Variants in SNAP25 observed in about 807,000 individuals in gnomAD.
SNAP25 encodes synaptosomal-associated protein 25.
Under a neutral mutation model 28.7 loss-of-function variants are expected in SNAP25, and 3 were observed. That is an observed-to-expected ratio of 0.10 (90% CI 0.05 to 0.27). The LOEUF (loss-of-function observed/expected upper bound fraction) is 0.27, where lower values mean the gene tolerates loss of function less well. Ranked by LOEUF, SNAP25 falls within the 10% of genes least tolerant of loss-of-function variation. SNAP25 has a pLI of 1.00. For synonymous variants in SNAP25, 61 were observed against 88.1 expected (o/e 0.69, Z 1.72); for missense variants, 117 against 278.7 (o/e 0.42, Z 4.13).
chr20:10,275,576 G>A lies in SNAP25; in HGVS notation c.72+13G>A, dbSNP rs752643793. ...GTTGGCTGATGAGGTAAGGAGTGGA[G>A]ACCTAGGAAGGGAGGCAAAAGATGA... On this transcript the variant is annotated intron_variant, in intron 2 of 7. Coordinates refer to ENST00000254976, the MANE Select transcript of SNAP25 (RefSeq NM_130811.4). 1.3e-6 allele frequency: 2 copies of A among 1,582,900 alleles called. No individual in the cohort carries two copies. The highest frequency in any genetic ancestry group is 1.7e-6 in the Non-Finnish European group (2 of 1,162,044).
At chr20:10,246,944 C>A (rs1194712624) in intron 1 of SNAP25, among the ~76,000 whole-genome samples, 6 of 152,086 alleles carry the variant, frequency 3.9e-5, no homozygotes, top group African/African-American at 1.2e-4. Context: ...CCTGTTTCTC[C>A]ATTCTTCATG....
chr20:10,266,533 G>C (rs2063509600), intron 1 of SNAP25, among the ~76,000 whole-genome samples: 1 of 152,218 alleles, frequency 6.6e-6, no homozygotes, highest in Admixed American at 6.5e-5. Context: ...AGATGCATTA[G>C]TTTGATGTTG....
chr20:10,274,259 A>G (rs1161905184), intron 1 of SNAP25, among the ~76,000 whole-genome samples: 1 of 151,940 alleles, frequency 6.6e-6, no homozygotes, highest in South Asian at 2.1e-4. Flanking sequence ...AGGACCAAGG[A>G]CCCACCCTCT....
rs780941797 is a variant in SNAP25, at chr20:10,299,415, G to T, written c.552+3G>T. 3.4e-5 allele frequency: 54 copies of T among 1,611,630 alleles called. No individual in the cohort carries two copies. The Admixed American group carries it at 8.9e-4, about 26-fold the overall frequency. On this transcript the variant is annotated splice_donor_region_variant and intron_variant, in intron 7 of 7. Transcript: ENST00000254976. ...AGATCGACAGGATCATGGAGAAGGT[G>T]AGCACGTGGCAGTCAGCAAGTCCCT...
At chr20:10,241,400 C>A (rs528226345) in intron 1 of SNAP25, among the ~76,000 whole-genome samples, 2 of 152,102 alleles carry the variant, frequency 1.3e-5, no homozygotes, top group Non-Finnish European at 2.9e-5. Flanking sequence ...CATGTATTTA[C>A]TGAGCATCTA....
intron 2 of SNAP25, among the ~76,000 whole-genome samples, chr20:10,276,791 A>C (rs984298997): frequency 1.3e-5 from 2 of 152,228 alleles, no homozygotes; most frequent in Admixed American, 6.5e-5. Context: ...TGTGCTATTC[A>C]TCCTTTATAT....
chr20:10,251,870 G>A (rs1007805606), intron 1 of SNAP25, among the ~76,000 whole-genome samples: 2 of 152,212 alleles, frequency 1.3e-5, no homozygotes, highest in African/African-American at 4.8e-5. Flanking sequence ...TACAGAAAAG[G>A]AAATCTCAAA....
chr20:10,299,213 G>A, intron 6 of SNAP25, 55 bp from the exon 7 acceptor site: 2 of 1,589,664 alleles, frequency 1.3e-6, no homozygotes, highest in South Asian at 1.1e-5. Flanking sequence ...TGGGTCCTTG[G>A]TATTCAATAT....
intron 1 of SNAP25, among the ~76,000 whole-genome samples, chr20:10,264,982 C>T (rs1340267675): frequency 1.4e-5 from 2 of 144,304 alleles, no homozygotes; most frequent in South Asian, 2.2e-4. Flanking sequence ...AGTGCAGTGG[C>T]GCGATCTCGG....
At chr20:10,257,258 T>A in intron 1 of SNAP25, among the ~76,000 whole-genome samples, 1 of 152,088 alleles carries the variant, frequency 6.6e-6, no homozygotes, top group African/African-American at 2.4e-5. Context: ...GAATAAATAT[T>A]TATTTAGCCT....
At chr20:10,295,018 C>T (rs188842240) in intron 5 of SNAP25, among the ~76,000 whole-genome samples, 3 of 152,350 alleles carry the variant, frequency 2.0e-5, no homozygotes, top group Non-Finnish European at 1.5e-5. Flanking sequence ...CCTACGAATT[C>T]CACTTTTGAG....
At chr20:10,287,155 A>G (rs2063895799) in intron 4 of SNAP25, among the ~76,000 whole-genome samples, 1 of 152,144 alleles carries the variant, frequency 6.6e-6, no homozygotes, top group Admixed American at 6.5e-5. Flanking sequence ...AAAATTGACA[A>G]ATGGGATCTC....
At chr20:10,247,230 G>C (rs1438965147) in intron 1 of SNAP25, among the ~76,000 whole-genome samples, 1 of 152,188 alleles carries the variant, frequency 6.6e-6, no homozygotes, top group Non-Finnish European at 1.5e-5. Flanking sequence ...GGCTGCCCCT[G>C]AGCTCTTATA....
At position 10,257,706 on chromosome 20, in the gene SNAP25, C is replaced by T. The variant is rs533600537; in HGVS notation, c.-63-17723C>T. Among the ~76,000 whole-genome samples, 282 of 148,700 alleles carry T rather than the reference C, an allele frequency of 1.9e-3. 1 individual carries two copies. Among genetic ancestry groups the T allele is most frequent in the Non-Finnish European group, 2.7e-3 (185 of 67,446 alleles). The stretch of plus-strand genomic sequence containing the variant: ...AGCCTGGTCAACAAGAGCGAAACTC[C>T]GTCTCAAAAACAAAACAAAACAAAA... On this transcript the variant is annotated intron_variant, in intron 1 of 7. Transcript: ENST00000254976.
In SNAP25 at chr20:10,299,373, C is replaced by A. The variant is rs372122045; in HGVS notation, c.513C>A (p.Ile171=). ...TGGCCCTGGATATGGGCAATGAGAT[C>A]GATACACAGAATCGCCAGATCGACA... is the stretch of plus-strand genomic sequence containing the variant. ...RHMALDMGNE[I]DTQNRQIDRI... The change falls in exon 7 of 8, where the codon ATC becomes ATA. Residue 171 remains isoleucine (I), a synonymous_variant. Transcript: ENST00000254976. The A allele has an allele frequency of 2.5e-6, 4 of 1,613,782 alleles. No homozygotes were observed. The South Asian group carries it at 3.3e-5, about 13-fold the overall frequency.
intron 7 of SNAP25, among the ~76,000 whole-genome samples, chr20:10,303,326 C>T (rs1158319542): frequency 6.6e-6 from 1 of 152,098 alleles, no homozygotes; most frequent in Non-Finnish European, 1.5e-5. Context: ...AATCAATGCC[C>T]TATCTTACTA....
intron 3 of SNAP25, among the ~76,000 whole-genome samples, chr20:10,280,880 C>G (rs1473911426): frequency 6.7e-6 from 1 of 150,072 alleles, no homozygotes; most frequent in African/African-American, 2.5e-5. Context: ...GTGGTGTATG[C>G]CAAACTTTCC....
At chr20:10,305,881 TA>T (rs918893100) in intron 7 of SNAP25, among the ~76,000 whole-genome samples, 1 of 149,648 alleles carries the variant, frequency 6.7e-6, no homozygotes, top group Non-Finnish European at 1.5e-5. Context: ...AAATGAAAAT[TA>T]AAAAAGCAAT....
At chr20:10,260,413 G>A (rs548399225) in intron 1 of SNAP25, among the ~76,000 whole-genome samples, 8 of 152,112 alleles carry the variant, frequency 5.3e-5, no homozygotes, top group African/African-American at 1.4e-4. Context: ...TCTAGTGGCA[G>A]GATTCAGGTG....
Sources: allele counts gnomAD v4.1 joint callset (sites outside exome capture counted in the v4.1 genomes callset), GRCh38; gene constraint gnomAD v4.1.1; transcripts MANE v1.5; gene names NCBI Gene and HGNC (gene_info 2026-07-23, HGNC 2026-07-21).